The following ANTXRL variants were observed in gnomAD, a reference collection of about 807,000 sequenced individuals.
The protein encoded by ANTXRL is anthrax toxin receptor-like.
In ANTXRL, 63 loss-of-function variants were observed where a neutral mutation model predicts 75.4. The ratio of observed to expected loss-of-function variants is 0.84; its 90% CI spans 0.68 to 1.03. ANTXRL has a LOEUF of 1.03. Among genes scored for constraint, ANTXRL ranks in the 50% least tolerant of loss-of-function variants. The probability of loss-of-function intolerance (pLI) is 0.00; values close to 1 mark genes in which losing one functional copy is unlikely to be tolerated. For missense variants in ANTXRL, 797 were observed against 789.4 expected (o/e 1.01, Z -0.12); for synonymous variants, 335 against 291.3 (o/e 1.15, Z -1.53).
chr10:46,293,235 T>A (rs1213312254), intron 2 of ANTXRL: 5 of 154,452 alleles, frequency 3.2e-5, no homozygotes, highest in African/African-American at 1.3e-4. Context: ...TGTGTGAGTG[T>A]GTATGCATGT....
intron 16 of ANTXRL, among the ~76,000 whole-genome samples, chr10:46,316,896 G>C (rs1838756740): frequency 6.6e-6 from 1 of 151,930 alleles, no homozygotes; most frequent in Non-Finnish European, 1.5e-5. Context: ...TTACATCCCA[G>C]AGATGTGCAC....
intron 9 of ANTXRL, among the ~76,000 whole-genome samples, chr10:46,301,494 C>T (rs1837742464): frequency 6.6e-6 from 1 of 152,186 alleles, no homozygotes. Flanking sequence ...AGGCCAGGCC[C>T]AGCTGGCTGA....
At chr10:46,300,992 C>A (rs1409547994) in intron 9 of ANTXRL, among the ~76,000 whole-genome samples, 1 of 150,038 alleles carries the variant, frequency 6.7e-6, no homozygotes, top group Non-Finnish European at 1.5e-5. Flanking sequence ...CTCCCACCCC[C>A]CCTCTCTCTT....
In ANTXRL at chr10:46,313,336, C is replaced by T; in HGVS notation, c.1410+20C>T. On this transcript the variant is annotated intron_variant, in intron 16 of 16. Transcript: ENST00000620264. The stretch of plus-strand genomic sequence containing the variant: ...GACCAGGTGAGCTAGGGCACAGGGA[C>T]ACAGTTGATGGACAAAAGGCCACTG... 6.5e-7 allele frequency: 1 copy of T among 1,534,260 alleles called. No homozygotes were observed. The highest frequency in any genetic ancestry group is 8.7e-7 in the Non-Finnish European group (1 of 1,145,246).
intron 14 of ANTXRL, among the ~76,000 whole-genome samples, chr10:46,311,128 T>C (rs2132816995): frequency 6.6e-6 from 1 of 152,104 alleles, no homozygotes; most frequent in Admixed American, 6.5e-5. Context: ...GCCCTGGGCC[T>C]GGGATGGGGT....
At chr10:46,295,945 C>T in intron 3 of ANTXRL, 74 bp from the exon 4 acceptor site, 3 of 1,257,860 alleles carry the variant, frequency 2.4e-6, no homozygotes, top group Non-Finnish European at 3.4e-6. Context: ...AACAGTGGCT[C>T]CCGGAGAGCT....
chr10:46,329,203 T>C (rs1245310471), intron 16 of ANTXRL, among the ~76,000 whole-genome samples: 1 of 152,072 alleles, frequency 6.6e-6, no homozygotes, highest in Non-Finnish European at 1.5e-5. Context: ...CACCCAAGGG[T>C]CCCTGGAGCC....
At chr10:46,326,417 A>G (rs1448492812) in intron 16 of ANTXRL, among the ~76,000 whole-genome samples, 1 of 152,076 alleles carries the variant, frequency 6.6e-6, no homozygotes, top group Non-Finnish European at 1.5e-5. Flanking sequence ...TGGCAGTGCC[A>G]GGAGGAGGGG....
At chr10:46,319,915 A>T (rs1348537344) in intron 16 of ANTXRL, among the ~76,000 whole-genome samples, 1 of 152,172 alleles carries the variant, frequency 6.6e-6, no homozygotes, top group Non-Finnish European at 1.5e-5. Flanking sequence ...GAGGAGAGAT[A>T]GGTGTAACAT....
intron 13 of ANTXRL, 107 bp from the exon 14 acceptor site, chr10:46,310,354 A>AGTGCTCTGTCCTG: frequency 9.5e-7 from 1 of 1,053,108 alleles, no homozygotes; most frequent in Non-Finnish European, 1.4e-6. Flanking sequence ...CCCCAAAGGC[A>AGTGCTCTGTCCTG]GTGCTCTGTC....
In ANTXRL at chr10:46,287,311, C is replaced by T; in HGVS notation, c.49C>T (p.Leu17=). 6.5e-7 allele frequency: 1 copy of T among 1,535,962 alleles called. No homozygotes were observed. The highest frequency in any genetic ancestry group is 8.7e-7 in the Non-Finnish European group (1 of 1,146,760). The change falls in exon 1 of 17, where the codon CTG becomes TTG. Residue 17 remains leucine, a synonymous_variant. Transcript: ENST00000620264. ...LGPYFLVFLL[L]LLLPPPLFRA... is the part of the protein sequence containing the mutation. ...GCCCTACTTCCTGGTCTTCCTGCTGCTGCTGCTGCTTCCTCCACCGCTTTT... is the reference window on the plus strand; with the variant it reads ...GCCCTACTTCCTGGTCTTCCTGCTGTTGCTGCTGCTTCCTCCACCGCTTTT...
intron 16 of ANTXRL, among the ~76,000 whole-genome samples, chr10:46,323,705 G>A (rs1255541551): frequency 1.3e-5 from 2 of 152,134 alleles, no homozygotes; most frequent in African/African-American, 2.4e-5. Flanking sequence ...ATGTTCTTGA[G>A]TAGGAACTTC....
chr10:46,315,495 C>T (rs1241074657), intron 16 of ANTXRL, among the ~76,000 whole-genome samples: 1 of 152,240 alleles, frequency 6.6e-6, no homozygotes, highest in Non-Finnish European at 1.5e-5. Context: ...GTGTGCTGCA[C>T]ACCCCTCTTC....
chr10:46,286,868 A>G, upstream of ANTXRL: 1 of 258,992 alleles, frequency 3.9e-6, no homozygotes, highest in Non-Finnish European at 7.4e-6. Context: ...GAGGGCTGTT[A>G]TAAGGGAAAT....
chr10:46,293,249 TG>T (rs576213949), intron 2 of ANTXRL: 6,771 of 139,594 alleles, frequency 0.049, 274 homozygotes, highest in African/African-American at 0.12. Flanking sequence ...TGCATGTGTG[TG>T]GGGGGGTGTG....
At position 46,292,144 on chromosome 10, in the gene ANTXRL, A is replaced by G; in HGVS notation, c.320+15A>G. 1 of 1,535,766 alleles carries G rather than the reference A, an allele frequency of 6.5e-7. No homozygotes were observed. Among genetic ancestry groups the G allele is most frequent in the Non-Finnish European group, 8.7e-7 (1 of 1,146,480 alleles). ...AGGTTCCAAAGGTACAGATCTCTGC[A>G]TGGCAGCCTCCCCTGAGCTGCAGAG... On this transcript the variant is annotated intron_variant, in intron 2 of 16. Transcript: ENST00000620264.
intron 2 of ANTXRL, among the ~76,000 whole-genome samples, chr10:46,293,576 CG>C (rs1837183719): frequency 5.3e-5 from 3 of 57,100 alleles, no homozygotes; most frequent in South Asian, 5.0e-4. Flanking sequence ...TGTGTGTGCG[CG>C]TGTGTGTGTG....
At chr10:46,299,366 G>A (rs193010982) in intron 9 of ANTXRL, among the ~76,000 whole-genome samples, 7 of 152,230 alleles carry the variant, frequency 4.6e-5, no homozygotes, top group African/African-American at 7.2e-5. Context: ...GAGACGTAGC[G>A]AGGATGCCCT....
rs1554963492 is a variant in ANTXRL, at chr10:46,311,561, C to G, written c.1225C>G (p.Pro409Ala). 1.3e-6 allele frequency: 2 copies of G among 1,529,068 alleles called. No individual in the cohort carries two copies. The highest frequency in any genetic ancestry group is 1.8e-6 in the Non-Finnish European group (2 of 1,140,570). 94.7% of individuals were successfully genotyped at this position (1,529,068 alleles called of 1,614,324 possible). Residue 409 changes from proline to alanine, a missense_variant, in exon 15 of 17, where the codon CCA becomes GCA. This residue lies in a region of ANTXRL where 479 missense variants were observed against 422.0 expected (regional missense o/e 1.14). Transcript: ENST00000620264. ...ACCACCACCACCGCCTCCGCCTCCA[C>G]CACCTCCACTCCCGCCTCCGCCCCC... The part of the protein sequence containing the change: ...PSPPPPPPPP[P>A]PPLPPPPPAP...
Sources: gnomAD v4.1 joint callset for allele counts (sites outside exome capture counted in the v4.1 genomes callset) on GRCh38, gnomAD v4.1.1 for gene constraint, gnomAD v4.1.1 regional missense constraint, MANE v1.5 for transcripts, NCBI Gene and HGNC (gene_info 2026-07-23, HGNC 2026-07-21) for gene names.